Variants in OLFM1 observed in about 807,000 individuals in gnomAD.
OLFM1 encodes the protein noelin.
OLFM1 carries 9 observed loss-of-function variants against 49.7 expected under a neutral mutation model. That is an observed-to-expected ratio of 0.18 (90% confidence interval 0.11 to 0.32). OLFM1 has a LOEUF of 0.32. Ranked by LOEUF, OLFM1 falls within the 10% of genes least tolerant of loss-of-function variation. The probability of loss-of-function intolerance (pLI) is 1.00; values close to 1 mark genes in which losing one functional copy is unlikely to be tolerated. For missense variants in OLFM1, 369 were observed against 661.8 expected, an observed-to-expected ratio of 0.56 and a Z score of 4.85; for synonymous variants, 240 against 271.8, an observed-to-expected ratio of 0.88 and a Z score of 1.15.
chr9:135,076,220 C>G, intron 1 of OLFM1: 1 of 1,550,636 alleles, frequency 6.4e-7, no homozygotes, highest in East Asian at 2.4e-5. Flanking sequence ...ACACACACCC[C>G]TGAGTGGCTC....
chr9:135,111,312 A>C (rs369780626), intron 5 of OLFM1, among the ~76,000 whole-genome samples: 4 of 152,306 alleles, frequency 2.6e-5, no homozygotes, highest in Admixed American at 6.5e-5. Flanking sequence ...TTGGGCAGGA[A>C]CTTGGGGCCT....
rs890172252 is a variant in OLFM1, at chr9:135,121,180, C to A, written c.*1002C>A. Reference sequence around the variant, plus strand: ...AGGAACAATAAAAACATTAGGAGATCTTTTTGCTTCACTTGTCATTTCTGA... The same window carrying A: ...AGGAACAATAAAAACATTAGGAGATATTTTTGCTTCACTTGTCATTTCTGA... On this transcript the variant is annotated 3_prime_UTR_variant, in exon 6 of 6. Transcript: ENST00000371793. 3 of 152,170 alleles carry A rather than the reference C, an allele frequency of 2.0e-5. No homozygotes were observed. Among genetic ancestry groups the A allele is most frequent in the African/African-American group, 7.2e-5 (3 of 41,440 alleles). 9.4% of individuals were successfully genotyped at this position (152,170 alleles called of 1,614,324 possible). A position where few individuals can be genotyped will look rare whatever the true frequency, so the allele number is the denominator to read the frequency against.
chr9:135,115,318 C>T (rs1831082761), intron 5 of OLFM1, among the ~76,000 whole-genome samples: 2 of 152,212 alleles, frequency 1.3e-5, no homozygotes, highest in South Asian at 4.1e-4. Context: ...AGGAGGCCGG[C>T]GAAGCCTTAC....
intron 2 of OLFM1, 48 bp from the exon 3 acceptor site, chr9:135,095,816 C>G: frequency 6.2e-7 from 1 of 1,601,546 alleles, no homozygotes; most frequent in Non-Finnish European, 8.5e-7. Flanking sequence ...AGAAGATTGC[C>G]TGGCACCTAC....
intron 1 of OLFM1, among the ~76,000 whole-genome samples, chr9:135,081,139 C>G (rs1169072564): frequency 6.6e-6 from 1 of 152,114 alleles, no homozygotes; most frequent in South Asian, 2.1e-4. Flanking sequence ...CAGTTGTCCC[C>G]ATTCTTGACC....
chr9:135,083,976 G>A (rs188295958), upstream of OLFM1, among the ~76,000 whole-genome samples: 6 of 152,346 alleles, frequency 3.9e-5, no homozygotes, highest in East Asian at 5.8e-4. Context: ...ACAGGGAGCC[G>A]GGCCAGGATG....
upstream of OLFM1, chr9:135,087,655 C>A: frequency 1.9e-6 from 1 of 523,050 alleles, no homozygotes; most frequent in Non-Finnish European, 2.8e-6. Context: ...CGCGCGCAGC[C>A]CGCGCAGCGC....
chr9:135,115,865 G>A (rs1218918015), intron 5 of OLFM1, among the ~76,000 whole-genome samples: 1 of 152,264 alleles, frequency 6.6e-6, no homozygotes, highest in Non-Finnish European at 1.5e-5. Context: ...GAAGGCAAGA[G>A]ATGATGCCAG....
chr9:135,095,515 C>CA (rs145823718), intron 2 of OLFM1, among the ~76,000 whole-genome samples: 44,695 of 119,006 alleles, frequency 0.38, 9,624 homozygotes, highest in Non-Finnish European at 0.5. Flanking sequence ...CCACCACTAC[C>CA]AAAAAAAAAA....
In OLFM1 at chr9:135,113,330, T is replaced by C. The variant is rs772759738; in HGVS notation, c.784-6174T>C. Reference sequence around the variant, plus strand: ...CCCCACAGGTGGTCTTATGGCCTTCTTCCTTTGGGTGGTGCCTGGGCCTGA... The same window carrying C: ...CCCCACAGGTGGTCTTATGGCCTTCCTCCTTTGGGTGGTGCCTGGGCCTGA... On this transcript the variant is annotated intron_variant, in intron 5 of 5. Coordinates refer to ENST00000371793, the MANE Select transcript of OLFM1 (RefSeq NM_001282611.2). The surrounding 1 kb of genome is among the most constrained non-coding windows in gnomAD (Gnocchi z 4.0). 1.3e-5 allele frequency among the ~76,000 whole-genome samples: 2 copies of C among 152,146 alleles called. No homozygotes were observed. Among genetic ancestry groups the C allele is most frequent in the Non-Finnish European group, 2.9e-5 (2 of 68,016 alleles).
chr9:135,081,555 C>T (rs914168263), intron 1 of OLFM1, among the ~76,000 whole-genome samples: 11 of 152,168 alleles, frequency 7.2e-5, no homozygotes, highest in East Asian at 5.8e-4. Context: ...CCCTTGGAAA[C>T]GGGGATGCAT....
chr9:135,110,786 C>T (rs559070538), intron 5 of OLFM1, among the ~76,000 whole-genome samples: 22 of 152,334 alleles, frequency 1.4e-4, no homozygotes, highest in South Asian at 8.3e-4. Flanking sequence ...CATTCAGCTA[C>T]GGGCCGCTTT....
chr9:135,080,400 G>A lies in OLFM1; in HGVS notation c.96+4598G>A, dbSNP rs79876001. 0.026 allele frequency among the ~76,000 whole-genome samples: 3,978 copies of A among 152,206 alleles called. 63 individuals carry two copies. Among genetic ancestry groups the A allele is most frequent in the Middle Eastern group, 0.041 (12 of 294 alleles). On this transcript the variant is annotated intron_variant, in intron 1 of 5. Coordinates refer to the OLFM1 transcript ENST00000252854. This position sits in a 1 kb window ranked among gnomAD's most constrained non-coding sequence, Gnocchi z 4.5. ...TCCTAAACCCATTATTTCAGAATACGTGGAATTCATTCAGTCTTTGCACCA... is the reference window on the plus strand; with the variant it reads ...TCCTAAACCCATTATTTCAGAATACATGGAATTCATTCAGTCTTTGCACCA...
intron 5 of OLFM1, among the ~76,000 whole-genome samples, chr9:135,109,350 G>T (rs1470842207): frequency 6.6e-6 from 1 of 152,242 alleles, no homozygotes; most frequent in African/African-American, 2.4e-5. Flanking sequence ...TCGCGGTGCT[G>T]ATGGATGCTT....
intron 1 of OLFM1, among the ~76,000 whole-genome samples, chr9:135,079,011 A>G (rs1830500979): frequency 6.6e-6 from 1 of 152,056 alleles, no homozygotes; most frequent in African/African-American, 2.4e-5. Flanking sequence ...TCCTTGGCTC[A>G]CTCATCCTCT....
chr9:135,100,540 C>T (rs1022434870), intron 4 of OLFM1, among the ~76,000 whole-genome samples: 17 of 152,224 alleles, frequency 1.1e-4, no homozygotes, highest in African/African-American at 2.7e-4. Flanking sequence ...GACACGTAGG[C>T]GGAGCTGCTG....
At chr9:135,094,135 C>T (rs1372095520) in intron 2 of OLFM1, among the ~76,000 whole-genome samples, 1 of 152,032 alleles carries the variant, frequency 6.6e-6, no homozygotes, top group Non-Finnish European at 1.5e-5. Context: ...GGACTGGCGC[C>T]GCCATTTGTA....
At position 135,120,272 on chromosome 9, in the gene OLFM1, C is replaced by G; in HGVS notation, c.*94C>G. 1 of 1,068,056 alleles carries G rather than the reference C, an allele frequency of 9.4e-7. No individual in the cohort carries two copies. Among genetic ancestry groups the G allele is most frequent in the Admixed American group, 2.5e-5 (1 of 40,146 alleles). The allele number at this position is 1,068,056 out of a possible 1,614,324, so 66.2% of individuals were successfully genotyped here. A position where few individuals can be genotyped will look rare whatever the true frequency, so the allele number is the denominator to read the frequency against. On this transcript the variant is annotated 3_prime_UTR_variant, in exon 6 of 6. Coordinates refer to ENST00000371793, the MANE Select transcript of OLFM1 (RefSeq NM_001282611.2). Reference sequence around the variant, plus strand: ...AAAGATACCAATAACACTAACAATACCGATCTTGAAAAATCATCAGCAGTG... The same window carrying G: ...AAAGATACCAATAACACTAACAATAGCGATCTTGAAAAATCATCAGCAGTG...
At chr9:135,077,070 A>AGG in intron 1 of OLFM1, 9 of 1,405,272 alleles carry the variant, frequency 6.4e-6, no homozygotes, top group Non-Finnish European at 7.4e-6. Context: ...GGCCTCTAGG[A>AGG]GAGGTTTTCT....
Sources: gnomAD v4.1 joint callset for allele counts (sites outside exome capture counted in the v4.1 genomes callset) on GRCh38, gnomAD v4.1.1 for gene constraint, Gnocchi (gnomAD v3.1) non-coding constraint, MANE v1.5 for transcripts, NCBI Gene and HGNC (gene_info 2026-07-23, HGNC 2026-07-21) for gene names.